Variants in ACACA observed in about 807,000 individuals in gnomAD.
ACACA encodes the protein acetyl-CoA carboxylase alpha.
ACACA carries 103 observed loss-of-function variants against 296.1 expected under a neutral mutation model. The ratio of observed to expected loss-of-function variants is 0.35; its 90% CI spans 0.30 to 0.41. The LOEUF (loss-of-function observed/expected upper bound fraction) is 0.41, where lower values mean the gene tolerates loss of function less well. Among genes scored for constraint, ACACA ranks in the 10% least tolerant of loss-of-function variants. The probability of loss-of-function intolerance (pLI) is 1.00; values close to 1 mark genes in which losing one functional copy is unlikely to be tolerated. For missense variants in ACACA, 1,554 were observed against 2,989.7 expected, an observed-to-expected ratio of 0.52 and a Z score of 11.20; for synonymous variants, 953 against 1,038.6, an observed-to-expected ratio of 0.92 and a Z score of 1.58.
chr17:37,304,890 G>A (rs1409607082), intron 3 of ACACA, among the ~76,000 whole-genome samples: 1 of 151,876 alleles, frequency 6.6e-6, no homozygotes, highest in East Asian at 1.9e-4. Flanking sequence ...GAGGCCAGGA[G>A]TTCGAAACCA....
chr17:37,154,222 T>C (rs2076151647), intron 43 of ACACA, among the ~76,000 whole-genome samples: 1 of 152,068 alleles, frequency 6.6e-6, no homozygotes, highest in Non-Finnish European at 1.5e-5. Context: ...TGGGACAATC[T>C]CTGAAGCTCA....
At chr17:37,289,534 GA>G (rs1181777211) in intron 3 of ACACA, 2 of 1,345,546 alleles carry the variant, frequency 1.5e-6, no homozygotes, top group Non-Finnish European at 2.0e-6. Context: ...AAAGTCTGAG[GA>G]TACAAAAATG....
intron 29 of ACACA, among the ~76,000 whole-genome samples, chr17:37,215,042 G>A (rs1045352857): frequency 6.6e-6 from 1 of 152,174 alleles, no homozygotes; most frequent in Non-Finnish European, 1.5e-5. Context: ...GCCGCCCACT[G>A]ACAGCTGAAC....
At chr17:37,279,352 T>A (rs967994506) in intron 5 of ACACA, among the ~76,000 whole-genome samples, 4 of 152,160 alleles carry the variant, frequency 2.6e-5, no homozygotes, top group Non-Finnish European at 4.4e-5. Flanking sequence ...AAGTGAAAAT[T>A]GGCCAGGCGC....
rs1214644056 is a variant in ACACA at position 37,085,038 on chromosome 17, G to GCAT, written c.*2275_*2277dup. On this transcript the variant is annotated 3_prime_UTR_variant, in exon 56 of 56. Coordinates refer to ENST00000616317, the MANE Select transcript of ACACA (RefSeq NM_198834.3). Reference sequence around the variant, plus strand: ...TATTTCAACAAAATGTGTAAAGAGTGCATCTGAAGCTCCTGCTCATCACAG... The same window carrying GCAT: ...TATTTCAACAAAATGTGTAAAGAGTGCATCATCTGAAGCTCCTGCTCATCACAG... The GCAT allele has an allele frequency of 6.5e-6, 1 of 152,718 alleles. No individual in the cohort carries two copies. Among genetic ancestry groups the GCAT allele is most frequent in the Non-Finnish European group, 1.5e-5 (1 of 68,084 alleles). 9.5% of individuals were successfully genotyped at this position (152,718 alleles called of 1,614,324 possible). A position where few individuals can be genotyped will look rare whatever the true frequency, so the allele number is the denominator to read the frequency against.
chr17:37,271,286 C>T (rs907619021), intron 9 of ACACA, among the ~76,000 whole-genome samples: 3 of 152,130 alleles, frequency 2.0e-5, no homozygotes, highest in South Asian at 4.1e-4. Flanking sequence ...GAGGCCAAGG[C>T]GGGCGGATCA....
intron 14 of ACACA, among the ~76,000 whole-genome samples, chr17:37,254,845 TGGTGGC>T (rs2081155536): frequency 1.4e-5 from 2 of 146,404 alleles, no homozygotes; most frequent in Admixed American, 1.4e-4. Context: ...TAGCTGGGTG[TGGTGGC>T]GGGCACTCCA....
At chr17:37,284,097 C>T (rs1341159467) in intron 4 of ACACA, among the ~76,000 whole-genome samples, 1 of 152,126 alleles carries the variant, frequency 6.6e-6, no homozygotes, top group East Asian at 1.9e-4. Flanking sequence ...AAATACAGGT[C>T]CCCATCCTTT....
At chr17:37,176,136 A>G (rs1319631921) in intron 41 of ACACA, among the ~76,000 whole-genome samples, 1 of 152,228 alleles carries the variant, frequency 6.6e-6, no homozygotes, top group Non-Finnish European at 1.5e-5. Context: ...CAATGGTCTG[A>G]TAAGTGCAGG....
intron 54 of ACACA, 123 bp from the exon 55 acceptor site, chr17:37,089,197 A>G (rs1487651281): frequency 7.1e-7 from 1 of 1,405,016 alleles, no homozygotes; most frequent in African/African-American, 1.4e-5. Context: ...ATTCTCCTTC[A>G]CTGTCAGCAT....
chr17:37,404,376 CT>C (rs1305298871), intron 1 of ACACA, among the ~76,000 whole-genome samples: 1 of 152,000 alleles, frequency 6.6e-6, no homozygotes, highest in African/African-American at 2.4e-5. Flanking sequence ...CAATTTATGC[CT>C]TAGAGAGCAA....
chr17:37,263,793 A>G lies in ACACA; in HGVS notation c.1221T>C (p.Ala407=). Reference sequence around the variant, plus strand: ...AGCAATCACGACCAAACAAAGAGATAGCATTGCCATATTGGTCCGCTAAGA... The same window carrying G: ...AGCAATCACGACCAAACAAAGAGATGGCATTGCCATATTGGTCCGCTAAGA... ...VQILADQYGN[A]ISLFGRDCSV... Residue 407 remains alanine, a synonymous_variant, in exon 11 of 56, where the codon GCT becomes GCC. Transcript: ENST00000616317. 1 of 1,614,126 alleles carries G rather than the reference A, an allele frequency of 6.2e-7. No individual in the cohort carries two copies. The highest frequency in any genetic ancestry group is 8.5e-7 in the Non-Finnish European group (1 of 1,179,996).
chr17:37,346,174 G>A (rs915637427), intron 1 of ACACA, among the ~76,000 whole-genome samples: 7 of 152,060 alleles, frequency 4.6e-5, no homozygotes, highest in South Asian at 2.1e-4. Flanking sequence ...ATGGTTAGCC[G>A]GGCATGGAGG....
At chr17:37,387,866 T>C (rs1428098665) in intron 1 of ACACA, 1 of 152,082 alleles carries the variant, frequency 6.6e-6, no homozygotes, top group Non-Finnish European at 1.5e-5. Flanking sequence ...TTAGTAATAA[T>C]GAGATGCACA....
At chr17:37,165,630 A>G (rs1488792903) in intron 41 of ACACA, among the ~76,000 whole-genome samples, 2 of 152,000 alleles carry the variant, frequency 1.3e-5, no homozygotes, top group African/African-American at 4.8e-5. Flanking sequence ...AGCCTAAAGT[A>G]ATTCCTATCT....
chr17:37,323,813 A>G (rs373661570), intron 3 of ACACA, among the ~76,000 whole-genome samples: 1 of 152,242 alleles, frequency 6.6e-6, no homozygotes, highest in African/African-American at 2.4e-5. Flanking sequence ...TTTGGTTGAT[A>G]GCATGCGGTG....
At chr17:37,200,361 C>T (rs1177299583) in intron 34 of ACACA, 66 bp downstream of exon 34, 12 of 1,482,294 alleles carry the variant, frequency 8.1e-6, no homozygotes, top group Non-Finnish European at 1.1e-5. Flanking sequence ...GATTACAATC[C>T]CATTTTTATT....
At chr17:37,186,703 T>C (rs140044130) in intron 39 of ACACA, among the ~76,000 whole-genome samples, 1 of 152,282 alleles carries the variant, frequency 6.6e-6, no homozygotes, top group East Asian at 1.9e-4. Flanking sequence ...TTTTAAAATA[T>C]GCAGGACCCT....
intron 3 of ACACA, among the ~76,000 whole-genome samples, chr17:37,306,110 G>A (rs1040415604): frequency 4.6e-5 from 7 of 151,936 alleles, no homozygotes; most frequent in East Asian, 3.9e-4. Flanking sequence ...GGGTTTCACC[G>A]TGTTAGCCAG....
Sources: gnomAD v4.1 joint callset for allele counts (sites outside exome capture counted in the v4.1 genomes callset) on GRCh38, gnomAD v4.1.1 for gene constraint, MANE v1.5 for transcripts, NCBI Gene and HGNC (gene_info 2026-07-23, HGNC 2026-07-21) for gene names.